The following NRXN1 variants were observed in gnomAD, a reference collection of about 807,000 sequenced individuals.
The protein encoded by NRXN1 is neurexin-1.
In NRXN1, 39 loss-of-function variants were observed where a neutral mutation model predicts 150.9. That is an observed-to-expected ratio of 0.26 (90% CI 0.20 to 0.34). The LOEUF is 0.34. Ranked by LOEUF, NRXN1 falls within the 10% of genes least tolerant of loss-of-function variation. The pLI, the probability that NRXN1 is intolerant of heterozygous loss-of-function variation, is 1.00. For missense variants in NRXN1, 1,815 were observed against 1,949.9 expected (o/e 0.93, Z 1.30); for synonymous variants, 924 against 757.0 (o/e 1.22, Z -3.62).
intron 5 of NRXN1, among the ~76,000 whole-genome samples, chr2:50,646,489 C>T (rs1299782620): frequency 1.3e-5 from 2 of 151,742 alleles, no homozygotes; most frequent in African/African-American, 2.4e-5. Flanking sequence ...CCAAATTTTA[C>T]AAATGCACTG....
At chr2:50,308,819 T>C (rs1468178281) in intron 17 of NRXN1, among the ~76,000 whole-genome samples, 4 of 152,144 alleles carry the variant, frequency 2.6e-5, no homozygotes, top group African/African-American at 9.7e-5. Context: ...TCAGACAGAT[T>C]TGGGTTAATG....
chr2:50,565,923 T>C (rs374281259), intron 8 of NRXN1, among the ~76,000 whole-genome samples: 1 of 152,178 alleles, frequency 6.6e-6, no homozygotes, highest in South Asian at 2.1e-4. Flanking sequence ...CTCTCCTAGA[T>C]GTAGTTTCTG....
At chr2:50,741,133 A>C (rs927268515) in intron 5 of NRXN1, among the ~76,000 whole-genome samples, 6 of 152,104 alleles carry the variant, frequency 3.9e-5, no homozygotes, top group Non-Finnish European at 8.8e-5. Context: ...AAAGATCAAA[A>C]TTGTCCTCAT....
intron 5 of NRXN1, among the ~76,000 whole-genome samples, chr2:50,649,251 TACAC>T (rs200495160): frequency 8.8e-5 from 7 of 79,648 alleles, no homozygotes; most frequent in African/African-American, 3.2e-4. Flanking sequence ...TATACACACA[TACAC>T]ACATACACAC....
intron 17 of NRXN1, among the ~76,000 whole-genome samples, chr2:50,265,747 G>T (rs965803685): frequency 2.0e-5 from 3 of 152,032 alleles, no homozygotes; most frequent in Non-Finnish European, 4.4e-5. Flanking sequence ...CATCTTCCGA[G>T]CATATGTCCT....
At chr2:50,060,682 T>G (rs1380668790) in intron 19 of NRXN1, among the ~76,000 whole-genome samples, 2 of 152,162 alleles carry the variant, frequency 1.3e-5, no homozygotes, top group Admixed American at 6.5e-5. Flanking sequence ...GGACAGGTTT[T>G]TCTCATGGTG....
intron 17 of NRXN1, among the ~76,000 whole-genome samples, chr2:50,245,309 T>A (rs1377009838): frequency 2.0e-5 from 3 of 151,728 alleles, no homozygotes; most frequent in South Asian, 2.1e-4. Flanking sequence ...TCAGAAAAAA[T>A]TCCATAAAGA....
chr2:50,404,927 C>T (rs966867442), intron 17 of NRXN1, among the ~76,000 whole-genome samples: 1 of 151,984 alleles, frequency 6.6e-6, no homozygotes, highest in Admixed American at 6.6e-5. Context: ...CAAGGGTGCA[C>T]CTCTCTTAGG....
intron 21 of NRXN1, among the ~76,000 whole-genome samples, chr2:50,010,327 G>T (rs759765638): frequency 1.3e-4 from 20 of 152,022 alleles, no homozygotes; most frequent in Non-Finnish European, 2.9e-5. Context: ...ATAAACCAAA[G>T]ATTTCTTTTG....
chr2:50,293,885 G>T (rs186673410), intron 17 of NRXN1, among the ~76,000 whole-genome samples: 9 of 152,250 alleles, frequency 5.9e-5, no homozygotes, highest in Admixed American at 5.9e-4. Context: ...GGTTTCCTGT[G>T]TTTTCTCACA....
At chr2:50,379,603 C>G (rs1520449) in intron 17 of NRXN1, among the ~76,000 whole-genome samples, 34,057 of 151,972 alleles carry the variant, frequency 0.22, 4,248 homozygotes, top group East Asian at 0.43. Context: ...TTTATAGCAT[C>G]TTTGAGAGGC....
At chr2:50,262,703 A>T (rs545356583) in intron 17 of NRXN1, among the ~76,000 whole-genome samples, 3 of 152,024 alleles carry the variant, frequency 2.0e-5, no homozygotes, top group African/African-American at 7.2e-5. Context: ...TTGTGAAAAT[A>T]TAAGGAAAAG....
At chr2:50,564,410 C>G (rs555164580) in intron 8 of NRXN1, among the ~76,000 whole-genome samples, 12 of 152,122 alleles carry the variant, frequency 7.9e-5, no homozygotes, top group Non-Finnish European at 1.3e-4. Context: ...TAATCACACT[C>G]AAATCTTGAT....
intron 17 of NRXN1, among the ~76,000 whole-genome samples, chr2:50,277,179 G>A (rs2070602145): frequency 6.6e-6 from 1 of 152,124 alleles, no homozygotes; most frequent in Admixed American, 6.5e-5. Context: ...TTTGTATTTA[G>A]AAGATACAAA....
intron 17 of NRXN1, among the ~76,000 whole-genome samples, chr2:50,359,552 T>G (rs2079046561): frequency 6.6e-6 from 1 of 150,960 alleles, no homozygotes; most frequent in South Asian, 2.1e-4. Flanking sequence ...GAGACAAGAT[T>G]AGAGAAAAAA....
At chr2:50,903,972 T>G (rs1318836061) in intron 5 of NRXN1, among the ~76,000 whole-genome samples, 1 of 152,086 alleles carries the variant, frequency 6.6e-6, no homozygotes, top group South Asian at 2.1e-4. Flanking sequence ...TTATAGACAA[T>G]CATGGGAGAA....
At chr2:50,016,176 T>C (rs986140706) in intron 21 of NRXN1, among the ~76,000 whole-genome samples, 1 of 152,158 alleles carries the variant, frequency 6.6e-6, no homozygotes, top group African/African-American at 2.4e-5. Flanking sequence ...GGTAAAGTCC[T>C]ACCTAGACTC....
intron 2 of NRXN1, among the ~76,000 whole-genome samples, chr2:50,929,919 C>T (rs1687491088): frequency 1.3e-5 from 2 of 152,020 alleles, no homozygotes; most frequent in Admixed American, 6.6e-5. Context: ...ATCATTGAGA[C>T]TGTGGATTAA....
intron 2 of NRXN1, among the ~76,000 whole-genome samples, chr2:50,936,288 C>T (rs1688534450): frequency 6.6e-6 from 1 of 152,228 alleles, no homozygotes; most frequent in South Asian, 2.1e-4. Context: ...AAAGAGATTA[C>T]ACAACATAAT....
Sources: gnomAD v4.1 joint callset for allele counts (sites outside exome capture counted in the v4.1 genomes callset) on GRCh38, gnomAD v4.1.1 for gene constraint, MANE v1.5 for transcripts, NCBI Gene and HGNC (gene_info 2026-07-23, HGNC 2026-07-21) for gene names.